Variants in FLT3 observed in about 807,000 individuals in gnomAD.
FLT3 encodes the protein fms related receptor tyrosine kinase 3, also known as receptor-type tyrosine-protein kinase FLT3.
In FLT3, 46 loss-of-function variants were observed where a neutral mutation model predicts 126.6. The ratio of observed to expected loss-of-function variants is 0.36; its 90% CI spans 0.29 to 0.46. FLT3 has a LOEUF of 0.46. Among genes scored for constraint, FLT3 ranks in the 20% least tolerant of loss-of-function variants. The probability of loss-of-function intolerance (pLI) is 1.00; values close to 1 mark genes in which losing one functional copy is unlikely to be tolerated. For synonymous variants in FLT3, 404 were observed against 434.4 expected (o/e 0.93, Z 0.87); for missense variants, 1,069 against 1,190.3 (o/e 0.90, Z 1.50).
chr13:28,005,438 G>A (rs1870795700), intron 23 of FLT3, among the ~76,000 whole-genome samples: 1 of 152,150 alleles, frequency 6.6e-6, no homozygotes, highest in South Asian at 2.1e-4. Context: ...TTCTATTTTG[G>A]AACCTTATTT....
chr13:28,017,038 C>T (rs1289021457), intron 20 of FLT3, among the ~76,000 whole-genome samples: 1 of 152,200 alleles, frequency 6.6e-6, no homozygotes, highest in Non-Finnish European at 1.5e-5. Context: ...GGGGCTCAGA[C>T]TATTCCTGTT....
chr13:28,048,781 AAG>A (rs1875134536), intron 8 of FLT3, among the ~76,000 whole-genome samples: 1 of 152,200 alleles, frequency 6.6e-6, no homozygotes, highest in Non-Finnish European at 1.5e-5. Flanking sequence ...GCACAAATAA[AAG>A]AGCGATCTGG....
At chr13:28,013,145 C>T (rs964338921) in intron 23 of FLT3, among the ~76,000 whole-genome samples, 3 of 152,076 alleles carry the variant, frequency 2.0e-5, no homozygotes, top group Non-Finnish European at 4.4e-5. Flanking sequence ...TGACAATAAC[C>T]TAGTTTCCAT....
intron 1 of FLT3, among the ~76,000 whole-genome samples, chr13:28,078,963 TG>T (rs1593295725): frequency 6.6e-6 from 1 of 152,170 alleles, no homozygotes; most frequent in African/African-American, 2.4e-5. Flanking sequence ...CCCCCCGCCT[TG>T]GCCTCCCAAA....
chr13:28,087,674 C>T (rs1339550715), intron 1 of FLT3, among the ~76,000 whole-genome samples: 1 of 152,116 alleles, frequency 6.6e-6, no homozygotes. Flanking sequence ...ATCTGACGAC[C>T]TGAAGTTCTG....
intron 1 of FLT3, among the ~76,000 whole-genome samples, chr13:28,076,192 T>C (rs1593293209): frequency 1.3e-5 from 2 of 152,200 alleles, no homozygotes; most frequent in South Asian, 4.1e-4. Context: ...AAATATTAAG[T>C]ACCTACAATG....
intron 1 of FLT3, among the ~76,000 whole-genome samples, chr13:28,071,181 T>TG (rs1877484444): frequency 6.6e-6 from 1 of 150,964 alleles, no homozygotes; most frequent in African/African-American, 2.4e-5. Flanking sequence ...TTTTTTTTTT[T>TG]GTATTTTTAG....
intron 9 of FLT3, among the ~76,000 whole-genome samples, chr13:28,040,886 G>A (rs1874312560): frequency 6.7e-6 from 1 of 149,914 alleles, no homozygotes; most frequent in African/African-American, 2.5e-5. Flanking sequence ...TGTGGTCCCA[G>A]CTACTTGGGA....
chr13:28,091,375 CCA>C (rs1879075048), intron 1 of FLT3, among the ~76,000 whole-genome samples: 2 of 149,538 alleles, frequency 1.3e-5, no homozygotes, highest in Middle Eastern at 3.4e-3. Context: ...GCGCCCGCCA[CCA>C]CGCCCGGCTA....
chr13:28,061,429 C>A (rs1876551719), intron 3 of FLT3, among the ~76,000 whole-genome samples: 1 of 151,956 alleles, frequency 6.6e-6, no homozygotes. Context: ...GATGCCCTAA[C>A]TGTATTTTTA....
chr13:28,081,452 G>A (rs973168941), intron 1 of FLT3, among the ~76,000 whole-genome samples: 3 of 152,092 alleles, frequency 2.0e-5, no homozygotes, highest in African/African-American at 7.2e-5. Flanking sequence ...CACACTGATA[G>A]TACATCCTGC....
chr13:28,095,534 A>G (rs1161117065), intron 1 of FLT3, among the ~76,000 whole-genome samples: 1 of 152,172 alleles, frequency 6.6e-6, no homozygotes, highest in Non-Finnish European at 1.5e-5. Flanking sequence ...TTGGCCTCCC[A>G]AAGTGCTGGG....
rs147002854 is a variant in FLT3 at position 28,095,634 on chromosome 13, T to C, written c.43+4834A>G. ...TCCCTTTCAAAGTTAAGAAAAATGATAAAATACAATACTCTTGAGATTATT... is the reference window on the plus strand; with the variant it reads ...TCCCTTTCAAAGTTAAGAAAAATGACAAAATACAATACTCTTGAGATTATT... On this transcript the variant is annotated intron_variant, in intron 1 of 23. Transcript: ENST00000241453. Among the ~76,000 whole-genome samples the C allele has an allele frequency of 1.2e-4, 18 of 152,306 alleles. 1 individual carries two copies. The East Asian group carries it at 3.5e-3, about 29-fold the overall frequency.
intron 1 of FLT3, among the ~76,000 whole-genome samples, chr13:28,070,904 A>G (rs1010792752): frequency 6.7e-6 from 1 of 149,474 alleles, no homozygotes; most frequent in South Asian, 2.1e-4. Context: ...TTTTGAAATG[A>G]GGCTAGTTTG....
chr13:28,062,610 G>T (rs1876667919), intron 2 of FLT3, among the ~76,000 whole-genome samples: 1 of 151,994 alleles, frequency 6.6e-6, no homozygotes, highest in Admixed American at 6.6e-5. Flanking sequence ...TGGAAGTGGT[G>T]GTTGGCACCT....
rs768511984 is a variant in FLT3, at chr13:28,034,147, TAGA to T, written c.1769_1771del (p.Phe590del). On this transcript the variant is annotated inframe_deletion, in exon 14 of 24. Transcript: ENST00000241453. ...ATATTCATATTCTCTGAAATCAACGTAGAAGTACTCATTATCTGAGGAGCCGGT... is the reference window on the plus strand; with the variant it reads ...ATATTCATATTCTCTGAAATCAACGTAGTACTCATTATCTGAGGAGCCGGT... The T allele has an allele frequency of 6.2e-7, 1 of 1,613,936 alleles. No homozygotes were observed. The highest frequency in any genetic ancestry group is 1.7e-5 in the Admixed American group (1 of 60,024).
intron 6 of FLT3, 91 bp from the exon 7 acceptor site, chr13:28,049,865 G>C: frequency 7.3e-7 from 1 of 1,370,478 alleles, no homozygotes; most frequent in Non-Finnish European, 1.0e-6. Flanking sequence ...AAAGACTTTA[G>C]CATCATCTCA....
chr13:28,062,743 C>CAAAAAAAAAA lies in FLT3; in HGVS notation c.166-684_166-675dup, dbSNP rs59718306. Among the ~76,000 whole-genome samples the CAAAAAAAAAA allele has an allele frequency of 1.2e-4, 11 of 89,994 alleles. 1 individual carries two copies. The highest frequency in any genetic ancestry group is 1.8e-4 in the Non-Finnish European group (9 of 49,502). The allele number at this position is 89,994 out of a possible 152,430, so 59.0% of individuals were successfully genotyped here. A position where few individuals can be genotyped will look rare whatever the true frequency, so the allele number is the denominator to read the frequency against. ...TGGGCAACAGAGTGAAACTCTGTCT[C>CAAAAAAAAAA]AAAAAAAAAAAAAAAAGAGGAGATT... is the stretch of plus-strand genomic sequence containing the variant. On this transcript the variant is annotated intron_variant, in intron 2 of 23. Transcript: ENST00000241453.
At chr13:28,030,912 A>T (rs1873270587) in intron 15 of FLT3, among the ~76,000 whole-genome samples, 1 of 151,276 alleles carries the variant, frequency 6.6e-6, no homozygotes, top group Non-Finnish European at 1.5e-5. Flanking sequence ...TCAAAAAAAG[A>T]AAAAAGAAAG....
Sources: allele counts gnomAD v4.1 joint callset (sites outside exome capture counted in the v4.1 genomes callset), GRCh38; gene constraint gnomAD v4.1.1; transcripts MANE v1.5; gene names NCBI Gene and HGNC (gene_info 2026-07-23, HGNC 2026-07-21).